CDK5RAP2: variants seen among roughly 807,000 people sequenced by gnomAD.
The protein encoded by CDK5RAP2 is CDK5 regulatory subunit associated protein 2, also known as CDK5 regulatory subunit-associated protein 2.
Under a neutral mutation model 232.9 loss-of-function variants are expected in CDK5RAP2, and 147 were observed. That is an observed-to-expected ratio of 0.63 (90% confidence interval 0.55 to 0.72). The LOEUF (loss-of-function observed/expected upper bound fraction) is 0.72. Among genes scored for constraint, CDK5RAP2 ranks in the 30% least tolerant of loss-of-function variants. The probability of loss-of-function intolerance (pLI) is 0.00; values close to 1 mark genes in which losing one functional copy is unlikely to be tolerated. For synonymous variants in CDK5RAP2, 833 were observed against 833.7 expected (o/e 1.00, Z 0.01); for missense variants, 2,195 against 2,231.5 (o/e 0.98, Z 0.33).
Position 120,389,092 on chromosome 9 carries a change from C to A in CDK5RAP2, c.*144G>T, listed in dbSNP as rs2031666592. On this transcript the variant is annotated 3_prime_UTR_variant, in exon 38 of 38. Transcript: ENST00000349780. ...TGACAACAACTCTCAAGCCAACTTT[C>A]AGAGAGAAAACATGAAGGGAAAAAA... 2.6e-6 allele frequency: 2 copies of A among 778,278 alleles called. No individual in the cohort carries two copies. Among genetic ancestry groups the A allele is most frequent in the Non-Finnish European group, 4.3e-6 (2 of 469,470 alleles). The allele number at this position is 778,278 out of a possible 1,614,324, so 48.2% of individuals were successfully genotyped here.
chr9:120,389,819 G>A (rs763437176), intron 36 of CDK5RAP2, 32 bp from the exon 37 acceptor site: 2 of 1,608,416 alleles, frequency 1.2e-6, no homozygotes, highest in Non-Finnish European at 8.5e-7. Flanking sequence ...CAATGATTAG[G>A]GCCATGGATA....
chr9:120,579,858 A>G lies in CDK5RAP2; in HGVS notation c.59+62T>C, dbSNP rs73660588. The G allele has an allele frequency of 1.7e-3, 2,356 of 1,376,518 alleles. 31 individuals are homozygous for G. The African/African-American group carries it at 0.029, about 17-fold the overall frequency. 85.3% of individuals were successfully genotyped at this position (1,376,518 alleles called of 1,614,324 possible). A position where few individuals can be genotyped will look rare whatever the true frequency, so the allele number is the denominator to read the frequency against. On this transcript the variant is annotated intron_variant, in intron 1 of 37. Transcript: ENST00000349780. ...GAGCAAACCCCAAGGCCGCGTTAGA[A>G]CGAAATCCCACCAGCTGGAACCCCG... is the stretch of plus-strand genomic sequence containing the variant.
At chr9:120,523,049 G>A (rs765252861) in intron 11 of CDK5RAP2, among the ~76,000 whole-genome samples, 2 of 152,108 alleles carry the variant, frequency 1.3e-5, no homozygotes, top group African/African-American at 4.8e-5. Flanking sequence ...CTACCTCCTC[G>A]GGCAAGGATT....
At position 120,453,891 on chromosome 9, in the gene CDK5RAP2, A is replaced by G. The variant is rs778370076; in HGVS notation, c.2376-18T>C. Reference sequence around the variant, plus strand: ...GGTCTGGCCTGTTTTTCCAAAAGGGAAGGAAGTGGGAGAACCAAGCTTTCT... The same window carrying G: ...GGTCTGGCCTGTTTTTCCAAAAGGGGAGGAAGTGGGAGAACCAAGCTTTCT... On this transcript the variant is annotated intron_variant, in intron 20 of 37. Coordinates refer to ENST00000349780, the MANE Select transcript of CDK5RAP2 (RefSeq NM_018249.6). 6.2e-7 allele frequency: 1 copy of G among 1,613,588 alleles called. No homozygotes were observed. Among genetic ancestry groups the G allele is most frequent in the East Asian group, 2.2e-5 (1 of 44,898 alleles).
At chr9:120,442,761 G>A (rs2035971716) in intron 23 of CDK5RAP2, among the ~76,000 whole-genome samples, 2 of 152,152 alleles carry the variant, frequency 1.3e-5, no homozygotes, top group Non-Finnish European at 2.9e-5. Flanking sequence ...TCAAAGCCCA[G>A]AACACGCAGA....
intron 14 of CDK5RAP2, 130 bp downstream of exon 14, chr9:120,487,164 T>C (rs1157558333): frequency 2.9e-5 from 28 of 959,404 alleles, no homozygotes; most frequent in Non-Finnish European, 4.7e-5. Flanking sequence ...CTCCTCCTCC[T>C]ACCTGTTGTA....
At chr9:120,535,959 A>G (rs2041367640) in intron 7 of CDK5RAP2, among the ~76,000 whole-genome samples, 1 of 152,222 alleles carries the variant, frequency 6.6e-6, no homozygotes, top group African/African-American at 2.4e-5. Context: ...GGGAAGAACC[A>G]CAAGAGAAAT....
At chr9:120,409,098 G>GCAGGCCAC in intron 30 of CDK5RAP2, 29 bp downstream of exon 30, 1 of 1,606,728 alleles carries the variant, frequency 6.2e-7, no homozygotes, top group Middle Eastern at 2.2e-4. Flanking sequence ...GGTACGGCCA[G>GCAGGCCAC]CAGGCCACCA....
At chr9:120,468,523 C>T (rs550506523) in intron 17 of CDK5RAP2, among the ~76,000 whole-genome samples, 3 of 152,356 alleles carry the variant, frequency 2.0e-5, no homozygotes, top group South Asian at 4.1e-4. Context: ...CAATTTACAG[C>T]TACTAAAATA....
intron 14 of CDK5RAP2, among the ~76,000 whole-genome samples, 188 bp from the exon 15 acceptor site, chr9:120,477,638 C>T (rs2038086830): frequency 6.6e-6 from 1 of 152,142 alleles, no homozygotes; most frequent in Non-Finnish European, 1.5e-5. Flanking sequence ...GGAATGACTG[C>T]CCATCACTCA....
At chr9:120,444,052 T>C (rs1053231966) in intron 22 of CDK5RAP2, among the ~76,000 whole-genome samples, 2 of 152,220 alleles carry the variant, frequency 1.3e-5, no homozygotes, top group African/African-American at 4.8e-5. Context: ...GGGCAACTGT[T>C]TGAGGTAGCA....
chr9:120,458,780 AAGAG>A lies in CDK5RAP2; in HGVS notation c.2203-162_2203-159del, dbSNP rs149429216. Among the ~76,000 whole-genome samples, 843 of 152,198 alleles carry A rather than the reference AAGAG, an allele frequency of 5.5e-3. 6 individuals are homozygous for A. The highest frequency in any genetic ancestry group is 0.019 in the African/African-American group (798 of 41,520). ...AAAGAAAAGGGGGAGGAGAAGGAGG[AAGAG>A]AGAGAGACACAGGCATGCAGGTGCA... On this transcript the variant is annotated intron_variant, in intron 19 of 37. Transcript: ENST00000349780.
intron 34 of CDK5RAP2, 86 bp downstream of exon 34, chr9:120,402,720 G>T: frequency 1.3e-6 from 2 of 1,497,902 alleles, no homozygotes; most frequent in Non-Finnish European, 9.3e-7. Flanking sequence ...TCCTAATGAG[G>T]ACAACTGCGC....
intron 3 of CDK5RAP2, among the ~76,000 whole-genome samples, chr9:120,560,872 T>C (rs1468296008): frequency 5.9e-5 from 9 of 152,052 alleles, no homozygotes; most frequent in Non-Finnish European, 1.3e-4. Flanking sequence ...CCGCCTTGAC[T>C]TCCCAAAGTG....
At chr9:120,544,298 T>C (rs975572428) in intron 5 of CDK5RAP2, among the ~76,000 whole-genome samples, 57 of 152,166 alleles carry the variant, frequency 3.7e-4, no homozygotes, top group Admixed American at 1.9e-3. Context: ...GAGTATGAAA[T>C]AGACCAAATT....
At chr9:120,529,360 A>C (rs1258481268) in intron 8 of CDK5RAP2, among the ~76,000 whole-genome samples, 1 of 152,230 alleles carries the variant, frequency 6.6e-6, no homozygotes, top group Non-Finnish European at 1.5e-5. Context: ...GAGGCCGCCT[A>C]GGGCGGGGGC....
chr9:120,521,159 A>G (rs2040633407), intron 11 of CDK5RAP2, among the ~76,000 whole-genome samples: 1 of 152,210 alleles, frequency 6.6e-6, no homozygotes, highest in Non-Finnish European at 1.5e-5. Flanking sequence ...ATTAACCAAG[A>G]ATTTGAAAAA....
chr9:120,455,749 AAATC>A (rs2036736012), intron 20 of CDK5RAP2, among the ~76,000 whole-genome samples: 1 of 152,054 alleles, frequency 6.6e-6, no homozygotes, highest in Non-Finnish European at 1.5e-5. Flanking sequence ...AAAAAAAAAA[AAATC>A]AAGAAAGGTG....
chr9:120,505,087 C>G (rs571354516), intron 12 of CDK5RAP2, among the ~76,000 whole-genome samples: 2 of 152,316 alleles, frequency 1.3e-5, no homozygotes, highest in Admixed American at 1.3e-4. Context: ...GTGCTCTGCT[C>G]TACTGCACTT....
Sources: allele counts gnomAD v4.1 joint callset (sites outside exome capture counted in the v4.1 genomes callset), GRCh38; gene constraint gnomAD v4.1.1; transcripts MANE v1.5; gene names NCBI Gene and HGNC (gene_info 2026-07-23, HGNC 2026-07-21).